The following PTPRD variants were observed in gnomAD, a reference collection of about 807,000 sequenced individuals.
PTPRD encodes the protein receptor-type tyrosine-protein phosphatase delta.
In PTPRD, 34 loss-of-function variants were observed where a neutral mutation model predicts 214.5. The observed-to-expected ratio is 0.16, with a 90% CI of 0.12 to 0.21. PTPRD has a LOEUF of 0.21. Ranked by LOEUF, PTPRD falls within the 10% of genes least tolerant of loss-of-function variation. The pLI, the probability that PTPRD is intolerant of heterozygous loss-of-function variation, is 1.00. For synonymous variants in PTPRD, 1,128 were observed against 845.7 expected (o/e 1.33, Z -5.79); for missense variants, 2,545 against 2,398.7 (o/e 1.06, Z -1.27).
chr9:8,893,207 A>G (rs1354417761), intron 11 of PTPRD, among the ~76,000 whole-genome samples: 1 of 152,200 alleles, frequency 6.6e-6, no homozygotes, highest in African/African-American at 2.4e-5. Context: ...GGGACAAGAG[A>G]GGTTAAAACA....
At chr9:9,374,055 T>C (rs562849579) in intron 9 of PTPRD, among the ~76,000 whole-genome samples, 1 of 152,070 alleles carries the variant, frequency 6.6e-6, no homozygotes, top group Admixed American at 6.6e-5. Flanking sequence ...TGGAAATAAA[T>C]TAAGAAAAAT....
At chr9:8,997,149 A>AT (rs989358808) in intron 11 of PTPRD, among the ~76,000 whole-genome samples, 13 of 152,010 alleles carry the variant, frequency 8.6e-5, no homozygotes, top group African/African-American at 2.9e-4. Context: ...ACTAGCAAAT[A>AT]TTTTTTCTAT....
chr9:8,525,187 A>G lies in PTPRD; in HGVS notation c.569-152T>C, dbSNP rs776322142. The G allele has an allele frequency of 6.6e-6, 5 of 763,000 alleles. No homozygotes were observed. The South Asian group carries it at 7.0e-5, about 11-fold the overall frequency. 47.3% of individuals were successfully genotyped at this position (763,000 alleles called of 1,614,324 possible). A position where few individuals can be genotyped will look rare whatever the true frequency, so the allele number is the denominator to read the frequency against. On this transcript the variant is annotated intron_variant, in intron 17 of 45. Coordinates refer to ENST00000381196, the MANE Select transcript of PTPRD (RefSeq NM_002839.4). ...TCTTGCTAAGTTGCACAGACAGAAA[A>G]TGATGCGATGAGAAAAACATATAGA... is the stretch of plus-strand genomic sequence containing the variant.
At position 9,275,169 on chromosome 9, in the gene PTPRD, TATATA is replaced by T. The variant is rs1425107472; in HGVS notation, c.-202-91811_-202-91807del. On this transcript the variant is annotated intron_variant, in intron 9 of 45. Coordinates refer to ENST00000381196, the MANE Select transcript of PTPRD (RefSeq NM_002839.4). ...TATAATATATTATATATATAACATA[TATATA>T]ATATATATGTTATATATATATATAT... 2.6e-3 allele frequency among the ~76,000 whole-genome samples: 97 copies of T among 37,844 alleles called. 1 individual carries two copies. The highest frequency in any genetic ancestry group is 9.9e-3 in the African/African-American group (79 of 7,984). The allele number at this position is 37,844 out of a possible 152,430, so 24.8% of individuals were successfully genotyped here. A position where few individuals can be genotyped will look rare whatever the true frequency, so the allele number is the denominator to read the frequency against.
At chr9:10,147,831 G>T (rs566524977) in intron 3 of PTPRD, among the ~76,000 whole-genome samples, 2 of 152,266 alleles carry the variant, frequency 1.3e-5, no homozygotes, top group African/African-American at 4.8e-5. Flanking sequence ...AGTGAGTCAA[G>T]ATCACGCCAC....
At chr9:9,844,599 A>T (rs1337749073) in intron 5 of PTPRD, among the ~76,000 whole-genome samples, 5 of 152,008 alleles carry the variant, frequency 3.3e-5, no homozygotes, top group Non-Finnish European at 7.4e-5. Context: ...AATTAGAAAA[A>T]TAGGGGAGAA....
Position 9,425,995 on chromosome 9 carries a change from G to C in PTPRD, c.-236-28513C>G, listed in dbSNP as rs549782330. ...CCCACCATGAGAGACACAGAAGATGGGTGATTTCTGCATTTCCAACTGAGG... is the reference window on the plus strand; with the variant it reads ...CCCACCATGAGAGACACAGAAGATGCGTGATTTCTGCATTTCCAACTGAGG... On this transcript the variant is annotated intron_variant, in intron 8 of 45. Coordinates refer to ENST00000381196, the MANE Select transcript of PTPRD (RefSeq NM_002839.4). Among the ~76,000 whole-genome samples, 327 of 152,228 alleles carry C rather than the reference G, an allele frequency of 2.1e-3. 3 individuals carry two copies. Among genetic ancestry groups the C allele is most frequent in the Non-Finnish European group, 1.8e-3 (122 of 68,020 alleles).
chr9:9,395,752 G>A (rs1010087867), intron 9 of PTPRD, among the ~76,000 whole-genome samples: 2 of 151,950 alleles, frequency 1.3e-5, no homozygotes, highest in Admixed American at 6.6e-5. Flanking sequence ...CATTCACAAC[G>A]TCAGTAGGAA....
At chr9:10,505,837 G>A (rs1436874826) in intron 2 of PTPRD, among the ~76,000 whole-genome samples, 1 of 149,950 alleles carries the variant, frequency 6.7e-6, no homozygotes, top group Admixed American at 6.8e-5. Context: ...ACAGAATTAT[G>A]TTTTACATAA....
intron 9 of PTPRD, among the ~76,000 whole-genome samples, chr9:9,386,662 T>C (rs895745398): frequency 2.0e-5 from 3 of 152,140 alleles, no homozygotes; most frequent in Non-Finnish European, 4.4e-5. Flanking sequence ...TATTTCCTAA[T>C]TTTCTAAAAA....
chr9:10,188,333 T>A (rs1358931450), intron 3 of PTPRD, among the ~76,000 whole-genome samples: 1 of 152,164 alleles, frequency 6.6e-6, no homozygotes, highest in Non-Finnish European at 1.5e-5. Context: ...TAATCTTAAA[T>A]AATATATAAA....
At chr9:9,604,235 T>C (rs1592777341) in intron 7 of PTPRD, among the ~76,000 whole-genome samples, 2 of 152,242 alleles carry the variant, frequency 1.3e-5, no homozygotes, top group South Asian at 2.1e-4. Context: ...CCTGTAGAAA[T>C]GCAGAATTAA....
At position 9,424,694 on chromosome 9, in the gene PTPRD, A is replaced by G. The variant is rs558683682; in HGVS notation, c.-236-27212T>C. 2.0e-5 allele frequency among the ~76,000 whole-genome samples: 3 copies of G among 152,226 alleles called. No individual in the cohort carries two copies. The South Asian group carries it at 6.2e-4, about 31-fold the overall frequency. ...GCTTTCTTTCACAGCACATAAAGAAATATAATTGTCTATCTAGCCTGAAGA... is the reference window on the plus strand; with the variant it reads ...GCTTTCTTTCACAGCACATAAAGAAGTATAATTGTCTATCTAGCCTGAAGA... On this transcript the variant is annotated intron_variant, in intron 8 of 45. Transcript: ENST00000381196.
chr9:8,913,383 A>G (rs73422046), intron 11 of PTPRD, among the ~76,000 whole-genome samples: 5,031 of 152,156 alleles, frequency 0.033, 270 homozygotes, highest in African/African-American at 0.11. Flanking sequence ...TTGGATATTC[A>G]CAAACATATC....
chr9:10,280,105 C>T (rs140157195), intron 3 of PTPRD, among the ~76,000 whole-genome samples: 1 of 152,038 alleles, frequency 6.6e-6, no homozygotes, highest in African/African-American at 2.4e-5. Flanking sequence ...ATATACATAA[C>T]TGCTGAAAGA....
In PTPRD at chr9:8,807,524, C is replaced by T. The variant is rs796501306; in HGVS notation, c.-103-73578G>A. On this transcript the variant is annotated intron_variant, in intron 11 of 45. Coordinates refer to ENST00000381196, the MANE Select transcript of PTPRD (RefSeq NM_002839.4). The stretch of plus-strand genomic sequence containing the variant: ...AACTACACATGAGGAGAGAATTAAA[C>T]TATTATTTAGAAAGTTTCACTAGTT... Among the ~76,000 whole-genome samples, 16 of 151,620 alleles carry T rather than the reference C, an allele frequency of 1.1e-4. 1 individual carries two copies. The highest frequency in any genetic ancestry group is 3.9e-4 in the African/African-American group (16 of 41,354).
At chr9:8,664,154 G>C (rs1422482332) in intron 12 of PTPRD, among the ~76,000 whole-genome samples, 1 of 152,068 alleles carries the variant, frequency 6.6e-6, no homozygotes, top group Non-Finnish European at 1.5e-5. Context: ...ACTTTCACTA[G>C]AAACTTGAAG....
intron 2 of PTPRD, among the ~76,000 whole-genome samples, chr9:10,471,636 T>C (rs1321487380): frequency 6.6e-6 from 1 of 152,176 alleles, no homozygotes; most frequent in Non-Finnish European, 1.5e-5. Context: ...ATACACAGTA[T>C]GTGCTAAAAC....
intron 10 of PTPRD, among the ~76,000 whole-genome samples, chr9:9,099,067 C>T (rs12338951): frequency 6.6e-6 from 1 of 152,120 alleles, no homozygotes; most frequent in Non-Finnish European, 1.5e-5. Flanking sequence ...AGTACAATGA[C>T]ATTTTGATAA....
Sources: gnomAD v4.1 joint callset for allele counts (sites outside exome capture counted in the v4.1 genomes callset) on GRCh38, gnomAD v4.1.1 for gene constraint, MANE v1.5 for transcripts, NCBI Gene and HGNC (gene_info 2026-07-23, HGNC 2026-07-21) for gene names.